GAREM1: variants seen among roughly 807,000 people sequenced by gnomAD.
GAREM1 encodes the protein GRB2 associated regulator of MAPK1 subtype 1.
A neutral mutation model predicts 71.3 loss-of-function variants in GAREM1; 26 were observed. That is an observed-to-expected ratio of 0.36 (90% CI 0.27 to 0.51). The LOEUF (loss-of-function observed/expected upper bound fraction) is 0.51, where lower values mean the gene tolerates loss of function less well. Ranked by LOEUF, GAREM1 falls within the 20% of genes least tolerant of loss-of-function variation. GAREM1 has a pLI of 0.95. For synonymous variants in GAREM1, 440 were observed against 433.2 expected, an observed-to-expected ratio of 1.02 and a Z score of -0.20; for missense variants, 1,026 against 1,103.1, an observed-to-expected ratio of 0.93 and a Z score of 0.99.
At chr18:32,464,750 GCCTC>G (rs1201361878) in intron 1 of GAREM1, among the ~76,000 whole-genome samples, 2 of 146,544 alleles carry the variant, frequency 1.4e-5, no homozygotes, top group Non-Finnish European at 3.0e-5. Flanking sequence ...ATACTCTGAA[GCCTC>G]CCTCAACTGA....
intron 1 of GAREM1, among the ~76,000 whole-genome samples, chr18:32,459,136 A>G (rs2048928131): frequency 6.6e-6 from 1 of 152,170 alleles, no homozygotes; most frequent in African/African-American, 2.4e-5. Context: ...AATTTTAACA[A>G]GCAGTTTTAT....
At chr18:32,378,012 C>CTGTGTGTGTGTGTG (rs1157230204) in intron 2 of GAREM1, among the ~76,000 whole-genome samples, 243 of 131,834 alleles carry the variant, frequency 1.8e-3, no homozygotes, top group African/African-American at 4.7e-3. Flanking sequence ...TACTATATAA[C>CTGTGTGTGTGTGTG]TGTGTGTGTG....
chr18:32,404,079 T>C (rs749683418), intron 1 of GAREM1, among the ~76,000 whole-genome samples: 12 of 152,200 alleles, frequency 7.9e-5, no homozygotes, highest in Admixed American at 5.9e-4. Context: ...TTTTTTATGC[T>C]GATTGTAAGT....
chr18:32,374,352 C>G (rs907485263), intron 2 of GAREM1, among the ~76,000 whole-genome samples: 1 of 152,156 alleles, frequency 6.6e-6, no homozygotes, highest in Non-Finnish European at 1.5e-5. Flanking sequence ...TCTAGATATA[C>G]GTTTATATGT....
chr18:32,413,548 C>T (rs1282744999), intron 1 of GAREM1, among the ~76,000 whole-genome samples: 6 of 151,950 alleles, frequency 3.9e-5, no homozygotes, highest in Non-Finnish European at 5.9e-5. Context: ...CTTCAAAATA[C>T]ACACAATAAA....
intron 2 of GAREM1, among the ~76,000 whole-genome samples, chr18:32,367,588 A>G (rs929853870): frequency 1.7e-4 from 26 of 152,238 alleles, no homozygotes; most frequent in African/African-American, 6.3e-4. Context: ...GAGAAGAGCA[A>G]TCTCTCAGGT....
chr18:32,341,526 T>C (rs2047647594), intron 2 of GAREM1, among the ~76,000 whole-genome samples: 1 of 152,232 alleles, frequency 6.6e-6, no homozygotes. Flanking sequence ...ATGGTATTTC[T>C]AGTTCTAGAT....
intron 2 of GAREM1, among the ~76,000 whole-genome samples, chr18:32,321,714 C>T (rs2047431085): frequency 6.6e-6 from 1 of 152,168 alleles, no homozygotes; most frequent in Non-Finnish European, 1.5e-5. Context: ...CTGTCAACTT[C>T]AACTCCATTC....
chr18:32,378,224 G>A (rs184678473), intron 2 of GAREM1, among the ~76,000 whole-genome samples: 1 of 152,162 alleles, frequency 6.6e-6, no homozygotes, highest in East Asian at 1.9e-4. Context: ...GCTTGGCAGG[G>A]CATGGTGGCT....
intron 1 of GAREM1, among the ~76,000 whole-genome samples, chr18:32,437,005 G>A (rs1443411160): frequency 6.6e-6 from 1 of 152,128 alleles, no homozygotes; most frequent in African/African-American, 2.4e-5. Context: ...TCCAGCACCT[G>A]CACAGAGAGA....
chr18:32,266,785 T>C lies in GAREM1; in HGVS notation c.*1086A>G, dbSNP rs150586726. 3.9e-5 allele frequency: 6 copies of C among 152,318 alleles called. No homozygotes were observed. The highest frequency in any genetic ancestry group is 1.4e-4 in the African/African-American group (6 of 41,570). 9.4% of individuals were successfully genotyped at this position (152,318 alleles called of 1,614,324 possible). ...ATGCCTAATGTACTCTGACAAATGC[T>C]CTTCAGACCTCTCACCATCAGACAC... On this transcript the variant is annotated 3_prime_UTR_variant, in exon 6 of 6. Transcript: ENST00000269209.
intron 1 of GAREM1, among the ~76,000 whole-genome samples, chr18:32,402,124 T>C (rs556407322): frequency 6.6e-6 from 1 of 152,300 alleles, no homozygotes; most frequent in South Asian, 2.1e-4. Flanking sequence ...GTAAACAATT[T>C]TGTGACATAA....
Position 32,263,821 on chromosome 18 carries a change from A to G in GAREM1, c.*4050T>C, listed in dbSNP as rs2041337507. On this transcript the variant is annotated 3_prime_UTR_variant, in exon 6 of 6. Coordinates refer to ENST00000269209, the MANE Select transcript of GAREM1 (RefSeq NM_001242409.2). ...GCTTAGCTTAAATATTTTAAATGAA[A>G]CAATATGAGAGTGGGAGAAAAGGTT... 6.6e-6 allele frequency: 1 copy of G among 152,216 alleles called. No homozygotes were observed. Among genetic ancestry groups the G allele is most frequent in the African/African-American group, 2.4e-5 (1 of 41,460 alleles). 9.4% of individuals were successfully genotyped at this position (152,216 alleles called of 1,614,324 possible).
intron 2 of GAREM1, among the ~76,000 whole-genome samples, chr18:32,375,976 A>G (rs1051555105): frequency 6.6e-6 from 1 of 152,106 alleles, no homozygotes. Flanking sequence ...GTCTGCATGA[A>G]CTTAGTTGAA....
chr18:32,437,956 G>C (rs2048695140), intron 1 of GAREM1, among the ~76,000 whole-genome samples: 1 of 151,966 alleles, frequency 6.6e-6, no homozygotes, highest in African/African-American at 2.4e-5. Context: ...CAGTTGAACT[G>C]ATCTCTTTAA....
At position 32,284,806 on chromosome 18, in the gene GAREM1, G is replaced by C. The variant is rs181932952; in HGVS notation, c.1566+2225C>G. 1.9e-3 allele frequency among the ~76,000 whole-genome samples: 286 copies of C among 150,264 alleles called. 2 individuals are homozygous for C. In the Middle Eastern group the frequency reaches 0.021, roughly 11 times the overall value. On this transcript the variant is annotated intron_variant, in intron 4 of 5. Transcript: ENST00000269209. Reference sequence around the variant, plus strand: ...GCTCTGTCGCCCAGGCTGGAGTGCAGTGGCGGGATCTCGGCTCACTGCAAG... The same window carrying C: ...GCTCTGTCGCCCAGGCTGGAGTGCACTGGCGGGATCTCGGCTCACTGCAAG...
In GAREM1 at chr18:32,268,273, AGGAGATGTTTC is replaced by A; in HGVS notation, c.2218_2228del (p.Glu740PhefsTer6). ...CAGCACCATCAATTTTCAGAGGCAA[AGGAGATGTTTC>A]GGAGGCGACCTTCTCTTCCACTAGT... On this transcript the variant is annotated frameshift_variant, in exon 6 of 6. Coordinates refer to ENST00000269209, the MANE Select transcript of GAREM1 (RefSeq NM_001242409.2). LOFTEE classifies it high-confidence loss of function. The A allele has an allele frequency of 5.6e-6, 9 of 1,614,004 alleles. No individual in the cohort carries two copies. The highest frequency in any genetic ancestry group is 7.6e-6 in the Non-Finnish European group (9 of 1,179,994).
chr18:32,288,022 T>C lies in GAREM1; in HGVS notation c.575A>G (p.Lys192Arg), dbSNP rs761044732. Residue 192 changes from lysine to arginine, a missense_variant, in exon 4 of 6, where the codon AAA (lysine) becomes AGA (arginine). Physicochemically the swap from Lys to Arg is conservative, Grantham distance 26. This residue lies in a region of GAREM1 where 218 missense variants were observed against 296.8 expected (regional missense o/e 0.73). Transcript: ENST00000269209. Reference sequence around the variant, plus strand: ...ACAAATGAGGCACGGCATTTTGCCTTTTCCCAGCTTGCTGATGGAATTGAG... The same window carrying C: ...ACAAATGAGGCACGGCATTTTGCCTCTTCCCAGCTTGCTGATGGAATTGAG... Reference protein sequence around the residue: ...GKLNSISKLGKGKMPCLICMN... With the variant: ...GKLNSISKLGRGKMPCLICMN... 3.7e-6 allele frequency: 6 copies of C among 1,614,166 alleles called. No individual in the cohort carries two copies. In the South Asian group the frequency reaches 5.5e-5, roughly 15 times the overall value.
At chr18:32,378,669 C>T (rs1386903235) in intron 2 of GAREM1, among the ~76,000 whole-genome samples, 2 of 152,038 alleles carry the variant, frequency 1.3e-5, no homozygotes, top group East Asian at 1.9e-4. Flanking sequence ...AAAAATACTA[C>T]CTAATAATAC....
Sources: allele counts gnomAD v4.1 joint callset (sites outside exome capture counted in the v4.1 genomes callset), GRCh38; gene constraint gnomAD v4.1.1; regional missense constraint gnomAD v4.1.1; transcripts MANE v1.5; gene names NCBI Gene and HGNC (gene_info 2026-07-23, HGNC 2026-07-21).